Variants in NBEA observed in about 807,000 individuals in gnomAD.
NBEA encodes the protein lysosomal-trafficking regulator 2.
A neutral mutation model predicts 343.4 loss-of-function variants in NBEA; 44 were observed. That is an observed-to-expected ratio of 0.13 (90% CI 0.10 to 0.16). The LOEUF is 0.16. Ranked by LOEUF, NBEA falls within the 10% of genes least tolerant of loss-of-function variation. The pLI is 1.00. For missense variants in NBEA, 2,555 were observed against 3,631.3 expected (o/e 0.70, Z 7.62); for synonymous variants, 1,175 against 1,238.7 (o/e 0.95, Z 1.08).
intron 1 of NBEA, among the ~76,000 whole-genome samples, chr13:35,018,085 C>T (rs374482613): frequency 2.0e-5 from 3 of 151,936 alleles, no homozygotes; most frequent in Non-Finnish European, 2.9e-5. Flanking sequence ...TTTGGACTTT[C>T]TATTATGTTC....
At chr13:35,570,947 C>T (rs1324849124) in intron 45 of NBEA, among the ~76,000 whole-genome samples, 6 of 151,980 alleles carry the variant, frequency 3.9e-5, no homozygotes, top group South Asian at 2.1e-4. Flanking sequence ...TAATCAATAC[C>T]GCAAATGAAA....
At chr13:35,613,489 T>C (rs2082610309) in intron 48 of NBEA, among the ~76,000 whole-genome samples, 1 of 152,210 alleles carries the variant, frequency 6.6e-6, no homozygotes, top group Non-Finnish European at 1.5e-5. Flanking sequence ...CTGGCTATTA[T>C]GAATAATGCT....
At chr13:35,010,741 A>ATATATAT (rs1233348410) in intron 1 of NBEA, among the ~76,000 whole-genome samples, 13 of 31,940 alleles carry the variant, frequency 4.1e-4, no homozygotes, top group South Asian at 1.8e-3. Flanking sequence ...AAAAAAAAAA[A>ATATATAT]ATATATATAT....
At chr13:35,291,325 A>G (rs1016553209) in intron 35 of NBEA, among the ~76,000 whole-genome samples, 8 of 151,950 alleles carry the variant, frequency 5.3e-5, no homozygotes, top group African/African-American at 1.9e-4. Flanking sequence ...GCAGACAAAC[A>G]ACAATATGCT....
Position 35,325,925 on chromosome 13 carries a change from T to C in NBEA, c.5903+16333T>C, listed in dbSNP as rs144076666. On this transcript the variant is annotated intron_variant, in intron 36 of 58. Transcript: ENST00000379939. ...TATTGAATAAGGAGTCCTTTCTCCA[T>C]TGCTTATTGTTGTCAACTTTGTTGA... Among the ~76,000 whole-genome samples the C allele has an allele frequency of 2.9e-3, 440 of 152,206 alleles. 7 individuals are homozygous for C. Among genetic ancestry groups the C allele is most frequent in the Admixed American group, 0.025 (374 of 15,254 alleles).
At chr13:35,200,709 C>T (rs1593719880) in intron 31 of NBEA, among the ~76,000 whole-genome samples, 2 of 151,578 alleles carry the variant, frequency 1.3e-5, no homozygotes, top group African/African-American at 2.4e-5. Context: ...TCCTTGCTTC[C>T]CAGTGTTTAA....
intron 41 of NBEA, among the ~76,000 whole-genome samples, chr13:35,518,632 A>G (rs1461922121): frequency 6.6e-6 from 1 of 152,208 alleles, no homozygotes; most frequent in Non-Finnish European, 1.5e-5. Flanking sequence ...TTACTTGTTA[A>G]ACTTAGGGAA....
At chr13:35,354,122 T>C (rs1000688862) in intron 38 of NBEA, among the ~76,000 whole-genome samples, 2 of 152,092 alleles carry the variant, frequency 1.3e-5, no homozygotes, top group African/African-American at 4.8e-5. Context: ...ACAAAATACC[T>C]CCACAGCAAC....
chr13:35,636,635 CCTT>C lies in NBEA; in HGVS notation c.7617+8389_7617+8391del, dbSNP rs1355284058. Among the ~76,000 whole-genome samples, 7 of 152,324 alleles carry C rather than the reference CCTT, an allele frequency of 4.6e-5. No homozygotes were observed. In the South Asian group the frequency reaches 1.0e-3, roughly 23 times the overall value. On this transcript the variant is annotated intron_variant, in intron 49 of 58. Transcript: ENST00000379939. ...CTCCCCCTCAACTTGTTTTCCTCCT[CCTT>C]CACCTCCTGAATCAGCCAGCATAGA...
chr13:35,509,373 CAG>C (rs112003801), intron 41 of NBEA, among the ~76,000 whole-genome samples: 490 of 147,402 alleles, frequency 3.3e-3, no homozygotes, highest in Middle Eastern at 3.5e-3. Context: ...TGTGTAGAGT[CAG>C]AGAGAGAGAG....
chr13:35,406,723 C>T (rs1056612029), intron 38 of NBEA, among the ~76,000 whole-genome samples: 1 of 152,184 alleles, frequency 6.6e-6, no homozygotes, highest in South Asian at 2.1e-4. Context: ...CCTCTTTAGT[C>T]ATAGATTAAG....
intron 1 of NBEA, among the ~76,000 whole-genome samples, chr13:35,001,777 T>C (rs1358633655): frequency 2.0e-5 from 3 of 152,096 alleles, no homozygotes; most frequent in African/African-American, 7.2e-5. Flanking sequence ...GTTAACAATT[T>C]ATTGTATATT....
rs2084526069 is a variant in NBEA at position 35,651,604 on chromosome 13, A to G, written c.7964-201A>G. On this transcript the variant is annotated intron_variant, in intron 52 of 58. Coordinates refer to ENST00000379939, the MANE Select transcript of NBEA (RefSeq NM_001385012.1). Reference sequence around the variant, plus strand: ...GAAACAAAACTCTTCCCAGCCTTGTACATCGTAAGTGGAAACCTGAAGTCC... The same window carrying G: ...GAAACAAAACTCTTCCCAGCCTTGTGCATCGTAAGTGGAAACCTGAAGTCC... Among the ~76,000 whole-genome samples, 3 of 152,184 alleles carry G rather than the reference A, an allele frequency of 2.0e-5. 1 individual carries two copies. In the South Asian group the frequency reaches 6.2e-4, roughly 31 times the overall value.
intron 8 of NBEA, among the ~76,000 whole-genome samples, chr13:35,065,589 G>A (rs551724653): frequency 2.6e-5 from 4 of 151,922 alleles, no homozygotes; most frequent in Non-Finnish European, 4.4e-5. Context: ...GACTATGCAT[G>A]TTTATTTACT....
intron 41 of NBEA, among the ~76,000 whole-genome samples, chr13:35,536,693 C>G (rs1157315838): frequency 6.6e-6 from 1 of 152,118 alleles, no homozygotes; most frequent in Non-Finnish European, 1.5e-5. Context: ...GACAGTCAGT[C>G]CTGGATTCTG....
intron 41 of NBEA, among the ~76,000 whole-genome samples, chr13:35,507,763 A>G (rs541299055): frequency 2.0e-5 from 3 of 152,250 alleles, no homozygotes; most frequent in Admixed American, 6.5e-5. Flanking sequence ...TCTTCTGGGT[A>G]TTCTTTAATT....
intron 41 of NBEA, among the ~76,000 whole-genome samples, chr13:35,493,476 T>G (rs1489525038): frequency 6.6e-6 from 1 of 151,972 alleles, no homozygotes; most frequent in Non-Finnish European, 1.5e-5. Flanking sequence ...TCCACTTTAG[T>G]ATATCTGTTT....
chr13:35,334,814 C>CT (rs1391807742), intron 36 of NBEA, among the ~76,000 whole-genome samples: 1 of 152,126 alleles, frequency 6.6e-6, no homozygotes, highest in Admixed American at 6.6e-5. Flanking sequence ...TATCTCTTCA[C>CT]TTTGTTGACT....
intron 18 of NBEA, 65 bp from the exon 19 acceptor site, chr13:35,155,709 A>G: frequency 1.6e-6 from 2 of 1,229,370 alleles, no homozygotes; most frequent in Non-Finnish European, 2.4e-6. Flanking sequence ...TTCATTGTAT[A>G]TCTATATTTT....
Sources: allele counts gnomAD v4.1 joint callset (sites outside exome capture counted in the v4.1 genomes callset), GRCh38; gene constraint gnomAD v4.1.1; transcripts MANE v1.5; gene names NCBI Gene and HGNC (gene_info 2026-07-23, HGNC 2026-07-21).